The following SGCZ variants were observed in gnomAD, a reference collection of about 807,000 sequenced individuals.
The protein encoded by SGCZ is zeta-sarcoglycan.
In SGCZ, 40 loss-of-function variants were observed where a neutral mutation model predicts 41.3. The ratio of observed to expected loss-of-function variants is 0.97; its 90% CI spans 0.75 to 1.26. The LOEUF is 1.26. Among genes scored for constraint, SGCZ ranks in the 50% most tolerant of loss-of-function variants. SGCZ has a pLI of 0.00. For missense variants in SGCZ, 552 were observed against 369.8 expected, an observed-to-expected ratio of 1.49 and a Z score of -4.04; for synonymous variants, 206 against 137.5, an observed-to-expected ratio of 1.50 and a Z score of -3.49.
At chr8:14,974,881 A>C (rs79406097) in intron 1 of SGCZ, among the ~76,000 whole-genome samples, 3 of 141,228 alleles carry the variant, frequency 2.1e-5, no homozygotes, top group Non-Finnish European at 3.1e-5. Context: ...AAAAAAAAAA[A>C]GGAAATACAG....
At chr8:14,716,876 G>C (rs1809706757) in intron 1 of SGCZ, among the ~76,000 whole-genome samples, 2 of 151,924 alleles carry the variant, frequency 1.3e-5, no homozygotes, top group Non-Finnish European at 1.5e-5. Flanking sequence ...TTTCTATAAA[G>C]CCTACTTCCT....
At chr8:15,178,907 G>C (rs1370894352) in intron 1 of SGCZ, among the ~76,000 whole-genome samples, 1 of 152,184 alleles carries the variant, frequency 6.6e-6, no homozygotes, top group Admixed American at 6.5e-5. Context: ...TCAATCAAGA[G>C]ATAGCATATT....
intron 5 of SGCZ, among the ~76,000 whole-genome samples, chr8:14,119,898 C>T (rs1445384793): frequency 4.6e-5 from 7 of 152,118 alleles, no homozygotes; most frequent in Non-Finnish European, 8.8e-5. Flanking sequence ...AGCCTTGCAT[C>T]CCAGGGATGA....
At chr8:14,945,036 C>T (rs960791702) in intron 1 of SGCZ, among the ~76,000 whole-genome samples, 1 of 151,970 alleles carries the variant, frequency 6.6e-6, no homozygotes, top group Non-Finnish European at 1.5e-5. Flanking sequence ...ACTTCCACTT[C>T]CATCCTGTGA....
At chr8:15,027,169 G>A (rs1803488085) in intron 1 of SGCZ, among the ~76,000 whole-genome samples, 2 of 152,100 alleles carry the variant, frequency 1.3e-5, no homozygotes, top group African/African-American at 4.8e-5. Flanking sequence ...AGCATCTTTG[G>A]TAAAATGAGT....
chr8:14,512,224 G>A (rs1009412142), intron 2 of SGCZ, among the ~76,000 whole-genome samples: 32 of 152,076 alleles, frequency 2.1e-4, no homozygotes, highest in African/African-American at 7.5e-4. Flanking sequence ...AAAGGAAGAC[G>A]CTGAAGTGCC....
chr8:15,078,253 G>C (rs1805616277), intron 1 of SGCZ, among the ~76,000 whole-genome samples: 1 of 135,576 alleles, frequency 7.4e-6, no homozygotes, highest in South Asian at 2.4e-4. Context: ...CAAGAACCCA[G>C]ATTTCAGCGA....
chr8:14,427,276 C>T (rs912645426), intron 2 of SGCZ, among the ~76,000 whole-genome samples: 1 of 152,020 alleles, frequency 6.6e-6, no homozygotes, highest in African/African-American at 2.4e-5. Context: ...ATACAACAAA[C>T]CCCCATGACA....
At chr8:14,584,377 G>C (rs770338662) in intron 1 of SGCZ, among the ~76,000 whole-genome samples, 69 of 152,202 alleles carry the variant, frequency 4.5e-4, no homozygotes, top group South Asian at 6.2e-4. Context: ...GTGGATTTGG[G>C]TTAGAGATCT....
chr8:15,008,050 A>C (rs1231471080), intron 1 of SGCZ, among the ~76,000 whole-genome samples: 4 of 151,930 alleles, frequency 2.6e-5, no homozygotes, highest in Non-Finnish European at 5.9e-5. Context: ...GTATTTTCTG[A>C]TTTTCTATAA....
chr8:14,567,574 C>T (rs1015605662), intron 1 of SGCZ, among the ~76,000 whole-genome samples: 1 of 152,114 alleles, frequency 6.6e-6, no homozygotes, highest in Non-Finnish European at 1.5e-5. Context: ...GTGGGTGGGG[C>T]TAGATAAGAG....
chr8:14,871,589 A>G (rs529850635), intron 1 of SGCZ, among the ~76,000 whole-genome samples: 67 of 152,094 alleles, frequency 4.4e-4, no homozygotes, highest in African/African-American at 1.6e-3. Context: ...GAGGTTCATG[A>G]TGTCAAGAAA....
chr8:14,790,519 AT>A (rs1255325324), intron 1 of SGCZ, among the ~76,000 whole-genome samples: 1 of 152,178 alleles, frequency 6.6e-6, no homozygotes, highest in Admixed American at 6.5e-5. Context: ...AGTCCAAAAC[AT>A]TTGTTAACAA....
chr8:14,501,378 G>C (rs990732176), intron 2 of SGCZ, among the ~76,000 whole-genome samples: 1 of 152,022 alleles, frequency 6.6e-6, no homozygotes, highest in Admixed American at 6.6e-5. Context: ...TTCTGGGGAA[G>C]TCGATACAGG....
chr8:14,583,212 G>A (rs910095603), intron 1 of SGCZ, among the ~76,000 whole-genome samples: 4 of 150,994 alleles, frequency 2.6e-5, no homozygotes, highest in Admixed American at 1.3e-4. Context: ...TAACTGGTGT[G>A]AGATGGTATC....
At chr8:14,222,017 T>C (rs1226440667) in intron 4 of SGCZ, among the ~76,000 whole-genome samples, 4 of 151,502 alleles carry the variant, frequency 2.6e-5, no homozygotes, top group Non-Finnish European at 5.9e-5. Context: ...TTGGAATAAA[T>C]GTATGCCAAC....
chr8:14,871,390 TA>T (rs1354655330), intron 1 of SGCZ, among the ~76,000 whole-genome samples: 13 of 152,294 alleles, frequency 8.5e-5, no homozygotes, highest in Admixed American at 7.8e-4. Flanking sequence ...ACTGCGTATA[TA>T]CCCAAAGGAT....
Position 14,298,076 on chromosome 8 carries a change from C to A in SGCZ, c.336+26027G>T, listed in dbSNP as rs534426243. Among the ~76,000 whole-genome samples the A allele has an allele frequency of 2.6e-5, 4 of 151,834 alleles. No individual in the cohort carries two copies. The South Asian group carries it at 8.3e-4, about 32-fold the overall frequency. On this transcript the variant is annotated intron_variant, in intron 3 of 7. Transcript: ENST00000382080. ...ATATTTATTGTGAATTAATATAATT[C>A]ATAATATTACAGATGAGAAAATGAG...
intron 1 of SGCZ, among the ~76,000 whole-genome samples, chr8:15,064,451 A>T (rs1431487973): frequency 6.6e-6 from 1 of 151,956 alleles, no homozygotes; most frequent in Non-Finnish European, 1.5e-5. Flanking sequence ...CAAACAAAGA[A>T]ATTAAACCTT....
Sources: allele counts gnomAD v4.1 joint callset (sites outside exome capture counted in the v4.1 genomes callset), GRCh38; gene constraint gnomAD v4.1.1; transcripts MANE v1.5; gene names NCBI Gene and HGNC (gene_info 2026-07-23, HGNC 2026-07-21).